The following PTPRC variants were observed in gnomAD, a reference collection of about 807,000 sequenced individuals.
The protein encoded by PTPRC is protein tyrosine phosphatase receptor type C.
PTPRC carries 44 observed loss-of-function variants against 155.9 expected under a neutral mutation model. The observed-to-expected ratio is 0.28, with a 90% CI of 0.22 to 0.36. The LOEUF is 0.36. Among genes scored for constraint, PTPRC ranks in the 10% least tolerant of loss-of-function variants. The probability of loss-of-function intolerance (pLI) is 1.00; values close to 1 mark genes in which losing one functional copy is unlikely to be tolerated. For synonymous variants in PTPRC, 525 were observed against 533.1 expected (o/e 0.98, Z 0.21); for missense variants, 1,401 against 1,564.6 (o/e 0.90, Z 1.76).
chr1:198,657,427 C>G (rs1040475987), intron 2 of PTPRC: 1 of 151,954 alleles, frequency 6.6e-6, no homozygotes, highest in Admixed American at 6.6e-5. Flanking sequence ...CCATTTTCTC[C>G]TTTTAAATAA....
At chr1:198,702,928 G>A (rs1206249385) in intron 6 of PTPRC, among the ~76,000 whole-genome samples, 2 of 152,128 alleles carry the variant, frequency 1.3e-5, no homozygotes, top group African/African-American at 4.8e-5. Flanking sequence ...TTAACGTGAT[G>A]TCTGAATATG....
intron 23 of PTPRC, among the ~76,000 whole-genome samples, chr1:198,739,848 A>AAAT (rs1467412723): frequency 1.3e-5 from 2 of 150,838 alleles, no homozygotes; most frequent in African/African-American, 4.9e-5. Context: ...AAGTCTTACA[A>AAAT]AATTAAAAAA....
At position 198,732,408 on chromosome 1, in the gene PTPRC, G is replaced by A; in HGVS notation, c.2065+18G>A. 1.2e-6 allele frequency: 2 copies of A among 1,603,272 alleles called. No individual in the cohort carries two copies. The highest frequency in any genetic ancestry group is 1.7e-6 in the Non-Finnish European group (2 of 1,170,794). On this transcript the variant is annotated intron_variant, in intron 19 of 32. Transcript: ENST00000442510. ...TCTTCCTTGTGAGTATTTATTGAGTGCTGAATTCCCATATATTAGGCTACT... is the reference window on the plus strand; with the variant it reads ...TCTTCCTTGTGAGTATTTATTGAGTACTGAATTCCCATATATTAGGCTACT...
chr1:198,679,809 G>C, intron 2 of PTPRC: 1 of 549,522 alleles, frequency 1.8e-6, no homozygotes, highest in Non-Finnish European at 3.3e-6. Context: ...CAGTGTATTG[G>C]GGCTTCTTCC....
intron 4 of PTPRC, 124 bp from the exon 5 acceptor site, chr1:198,699,440 A>T: frequency 8.5e-7 from 1 of 1,172,616 alleles, no homozygotes; most frequent in Non-Finnish European, 1.3e-6. Context: ...GACACATTTT[A>T]ACAGATTCAG....
chr1:198,671,813 C>G (rs1664663925), intron 2 of PTPRC, among the ~76,000 whole-genome samples: 1 of 152,182 alleles, frequency 6.6e-6, no homozygotes, highest in African/African-American at 2.4e-5. Flanking sequence ...TCCCTTAACT[C>G]AGCATTGACT....
chr1:198,645,648 T>C (rs1380102028), intron 2 of PTPRC, among the ~76,000 whole-genome samples: 3 of 151,822 alleles, frequency 2.0e-5, no homozygotes, highest in Non-Finnish European at 2.9e-5. Flanking sequence ...TCAGAGCACA[T>C]AGCCTTTTAG....
intron 2 of PTPRC, among the ~76,000 whole-genome samples, chr1:198,683,809 C>T (rs1488066536): frequency 6.6e-6 from 1 of 152,036 alleles, no homozygotes; most frequent in Admixed American, 6.6e-5. Flanking sequence ...ATATACATAA[C>T]TGATAACAAG....
chr1:198,716,904 C>T (rs1316840373), intron 13 of PTPRC, 64 bp downstream of exon 13: 1 of 1,466,644 alleles, frequency 6.8e-7, no homozygotes, highest in African/African-American at 1.4e-5. Context: ...AACTTTTTAG[C>T]CTACAATATT....
chr1:198,663,556 A>AT (rs1194642605), intron 2 of PTPRC, among the ~76,000 whole-genome samples: 1 of 152,234 alleles, frequency 6.6e-6, no homozygotes, highest in Non-Finnish European at 1.5e-5. Flanking sequence ...TGACCTGGAC[A>AT]TTGGAGACCT....
chr1:198,666,025 G>C (rs1448095541), intron 2 of PTPRC, among the ~76,000 whole-genome samples: 1 of 152,108 alleles, frequency 6.6e-6, no homozygotes, highest in Admixed American at 6.5e-5. Flanking sequence ...AGAATCACTT[G>C]AGCCTAAGAG....
chr1:198,640,672 A>T (rs1485366152), intron 2 of PTPRC, among the ~76,000 whole-genome samples: 6 of 152,068 alleles, frequency 3.9e-5, no homozygotes, highest in Non-Finnish European at 5.9e-5. Context: ...TATTATCACA[A>T]ATCAGAACAG....
At chr1:198,658,277 T>C (rs966516445) in intron 2 of PTPRC, among the ~76,000 whole-genome samples, 1 of 152,276 alleles carries the variant, frequency 6.6e-6, no homozygotes, top group African/African-American at 2.4e-5. Context: ...TATGAGATAA[T>C]CTGGTATCGT....
At chr1:198,697,028 C>A in intron 4 of PTPRC, 119 bp downstream of exon 4, 1 of 983,536 alleles carries the variant, frequency 1.0e-6, no homozygotes, top group Non-Finnish European at 1.6e-6. Context: ...TGATTTTATT[C>A]AAGTGCAGAA....
intron 2 of PTPRC, among the ~76,000 whole-genome samples, chr1:198,651,331 A>G (rs1273185595): frequency 7.8e-6 from 1 of 127,450 alleles, no homozygotes; most frequent in Non-Finnish European, 1.7e-5. Flanking sequence ...TGTATTGGTT[A>G]AATAACTGGT....
At chr1:198,705,706 C>A (rs950347423) in intron 8 of PTPRC, among the ~76,000 whole-genome samples, 1 of 152,154 alleles carries the variant, frequency 6.6e-6, no homozygotes, top group African/African-American at 2.4e-5. Flanking sequence ...CAGGCATGAT[C>A]CACCACGCCT....
chr1:198,655,254 TAAAG>T (rs1348002862), intron 2 of PTPRC, among the ~76,000 whole-genome samples: 1 of 151,804 alleles, frequency 6.6e-6, no homozygotes, highest in Non-Finnish European at 1.5e-5. Flanking sequence ...GAAAAAAAAT[TAAAG>T]AAAGAGAAAA....
chr1:198,670,315 A>T (rs1664571164), intron 2 of PTPRC, among the ~76,000 whole-genome samples: 1 of 152,162 alleles, frequency 6.6e-6, no homozygotes, highest in Non-Finnish European at 1.5e-5. Context: ...ATATGACCTT[A>T]TTATGTATGA....
intron 14 of PTPRC, among the ~76,000 whole-genome samples, chr1:198,721,781 GT>G (rs1238082271): frequency 7.3e-5 from 11 of 151,422 alleles, no homozygotes; most frequent in Non-Finnish European, 1.5e-4. Context: ...ATATATATTT[GT>G]CAGATTTATT....
Sources: gnomAD v4.1 joint callset for allele counts (sites outside exome capture counted in the v4.1 genomes callset) on GRCh38, gnomAD v4.1.1 for gene constraint, MANE v1.5 for transcripts, NCBI Gene and HGNC (gene_info 2026-07-23, HGNC 2026-07-21) for gene names.